PHACTR3: variants seen among roughly 807,000 people sequenced by gnomAD.
PHACTR3 encodes the protein protein phosphatase 1, regulatory subunit 123.
Under a neutral mutation model 66.8 loss-of-function variants are expected in PHACTR3, and 16 were observed. The ratio of observed to expected loss-of-function variants is 0.24; its 90% confidence interval spans 0.16 to 0.36. PHACTR3 has a LOEUF of 0.36. Ranked by LOEUF, PHACTR3 falls within the 10% of genes least tolerant of loss-of-function variation. The pLI, the probability that PHACTR3 is intolerant of heterozygous loss-of-function variation, is 1.00. For synonymous variants in PHACTR3, 323 were observed against 292.1 expected (o/e 1.11, Z -1.08); for missense variants, 647 against 719.9 (o/e 0.90, Z 1.16).
At chr20:59,653,186 A>ATT (rs757041161) in intron 1 of PHACTR3, among the ~76,000 whole-genome samples, 203 of 143,998 alleles carry the variant, frequency 1.4e-3, no homozygotes, top group African/African-American at 4.6e-3. Flanking sequence ...CGAGAAAGTA[A>ATT]TTTTTTTTTT....
chr20:59,671,034 C>T (rs2036178641), intron 1 of PHACTR3, among the ~76,000 whole-genome samples: 1 of 152,232 alleles, frequency 6.6e-6, no homozygotes, highest in Admixed American at 6.5e-5. Context: ...ACCCCCTCCA[C>T]AGCTCCTCCC....
Position 59,845,027 on chromosome 20 carries a change from G to A in PHACTR3, c.1588-162G>A, listed in dbSNP as rs537039768. The A allele has an allele frequency of 2.8e-4, 147 of 526,808 alleles. 1 individual carries two copies. The South Asian group carries it at 3.5e-3, about 13-fold the overall frequency. The allele number at this position is 526,808 out of a possible 1,614,324, so 32.6% of individuals were successfully genotyped here. A position where few individuals can be genotyped will look rare whatever the true frequency, so the allele number is the denominator to read the frequency against. On this transcript the variant is annotated intron_variant, in intron 11 of 12. Coordinates refer to ENST00000371015, the MANE Select transcript of PHACTR3 (RefSeq NM_080672.5). The stretch of plus-strand genomic sequence containing the variant: ...ACTAGCTTGGTAGGACTATAATAAT[G>A]AGTATGGCAGTTTTAATGATGAACC...
chr20:59,671,797 GCTCCAGGCAGGACCTGCCTT>G (rs1479326708), intron 1 of PHACTR3, among the ~76,000 whole-genome samples: 1 of 152,238 alleles, frequency 6.6e-6, no homozygotes, highest in Admixed American at 6.5e-5. Context: ...GCTGCTGCCT[GCTCCAGGCAGGACCTGCCTT>G]CTCCAGTTAG....
intron 1 of PHACTR3, among the ~76,000 whole-genome samples, chr20:59,696,214 G>T (rs1355402177): frequency 6.6e-6 from 1 of 152,164 alleles, no homozygotes; most frequent in Non-Finnish European, 1.5e-5. Context: ...TTAAACGGAG[G>T]TCAAAGCAGA....
In PHACTR3 at chr20:59,773,382, C is replaced by T; in HGVS notation, c.855C>T (p.His285=). The T allele has an allele frequency of 1.2e-6, 2 of 1,614,184 alleles. No individual in the cohort carries two copies. The highest frequency in any genetic ancestry group is 3.3e-4 in the Middle Eastern group (2 of 6,062). Residue 285 remains histidine, a synonymous_variant, in exon 6 of 13, where the codon CAC becomes CAT. Transcript: ENST00000371015. ...PTGSPHLTTV[H]RPLPPSRVIE... is the part of the protein sequence containing the mutation. ...GGTCTCCGCATCTCACCACGGTCCA[C>T]CGGCCTCTTCCCCCAAGCCGCGTCA...
At chr20:59,767,157 T>A in intron 4 of PHACTR3, 29 bp from the exon 5 acceptor site, 1 of 1,612,904 alleles carries the variant, frequency 6.2e-7, no homozygotes. Context: ...GAAACATGTT[T>A]TTAACTCTCT....
chr20:59,729,188 G>A (rs578158880), intron 1 of PHACTR3, among the ~76,000 whole-genome samples: 9 of 152,230 alleles, frequency 5.9e-5, no homozygotes, highest in Admixed American at 2.6e-4. Flanking sequence ...CATGTGACCC[G>A]AAGGGAGGGC....
chr20:59,741,823 T>C (rs939638853), intron 1 of PHACTR3, among the ~76,000 whole-genome samples: 9 of 151,542 alleles, frequency 5.9e-5, no homozygotes, highest in Non-Finnish European at 8.8e-5. Context: ...AGTACAATGG[T>C]GTGATCTTGG....
intron 1 of PHACTR3, among the ~76,000 whole-genome samples, chr20:59,625,714 G>A (rs904935212): frequency 6.6e-6 from 1 of 152,174 alleles, no homozygotes; most frequent in South Asian, 2.1e-4. Context: ...TCCTCCCTGC[G>A]GAGGCATGCA....
intron 11 of PHACTR3, among the ~76,000 whole-genome samples, chr20:59,842,850 AT>A (rs2059089251): frequency 6.6e-6 from 1 of 152,134 alleles, no homozygotes; most frequent in Non-Finnish European, 1.5e-5. Context: ...AAATTAATGA[AT>A]GGAACACTTA....
chr20:59,666,581 G>GGA (rs768733251), intron 1 of PHACTR3, among the ~76,000 whole-genome samples: 1 of 151,528 alleles, frequency 6.6e-6, no homozygotes, highest in Non-Finnish European at 1.5e-5. Flanking sequence ...AGAGAGACAG[G>GGA]GAGAGAGAGA....
At chr20:59,646,240 T>G (rs1228880468) in intron 1 of PHACTR3, among the ~76,000 whole-genome samples, 1 of 152,220 alleles carries the variant, frequency 6.6e-6, no homozygotes, top group Non-Finnish European at 1.5e-5. Context: ...CTGCCAGAGC[T>G]GGGCTCACTC....
chr20:59,701,963 G>A (rs1030167737), intron 1 of PHACTR3, among the ~76,000 whole-genome samples: 1 of 152,196 alleles, frequency 6.6e-6, no homozygotes, highest in Non-Finnish European at 1.5e-5. Context: ...CATGCAGTAT[G>A]TGGACTTCTC....
chr20:59,710,697 C>T (rs2146644106), intron 1 of PHACTR3, among the ~76,000 whole-genome samples: 1 of 152,190 alleles, frequency 6.6e-6, no homozygotes, highest in African/African-American at 2.4e-5. Context: ...CCTCATTAAC[C>T]TTTACCTTGG....
intron 1 of PHACTR3, among the ~76,000 whole-genome samples, chr20:59,623,773 C>T (rs771092672): frequency 1.6e-4 from 25 of 152,156 alleles, no homozygotes; most frequent in Non-Finnish European, 2.5e-4. Context: ...ATGGGCTGAA[C>T]GGCTGGTGCG....
At chr20:59,768,996 G>A (rs963952017) in intron 5 of PHACTR3, among the ~76,000 whole-genome samples, 2 of 152,352 alleles carry the variant, frequency 1.3e-5, no homozygotes, top group Admixed American at 6.5e-5. Flanking sequence ...TGCTGGGTGG[G>A]TGGAGGGATG....
rs1601231431 is a variant in PHACTR3, at chr20:59,738,984, G to A, written c.119-4123G>A. Among the ~76,000 whole-genome samples the A allele has an allele frequency of 6.6e-6, 1 of 152,106 alleles. No individual in the cohort carries two copies. The highest frequency in any genetic ancestry group is 2.4e-5 in the African/African-American group (1 of 41,432). ...GTCTTGCTCCCATCTGGTGTCTGTA[G>A]GTGGAGGAAGGAAAGGAGAGGATGA... is the stretch of plus-strand genomic sequence containing the variant. On this transcript the variant is annotated intron_variant, in intron 1 of 12. Transcript: ENST00000371015. This position sits in a 1 kb window ranked among gnomAD's most constrained non-coding sequence, Gnocchi z 4.4.
chr20:59,847,680 T>TAATTA lies in PHACTR3; in HGVS notation c.*554_*558dup, dbSNP rs2059177013. The TAATTA allele has an allele frequency of 6.5e-6, 1 of 152,700 alleles. No homozygotes were observed. 9.5% of individuals were successfully genotyped at this position (152,700 alleles called of 1,614,324 possible). A position where few individuals can be genotyped will look rare whatever the true frequency, so the allele number is the denominator to read the frequency against. ...TTTGATTCCTGTTAATTTTGTTCTT[T>TAATTA]AATTAAATGACTACTTATTGCAGGA... On this transcript the variant is annotated 3_prime_UTR_variant, in exon 13 of 13. Coordinates refer to ENST00000371015, the MANE Select transcript of PHACTR3 (RefSeq NM_080672.5).
chr20:59,767,110 C>A, intron 4 of PHACTR3, 76 bp from the exon 5 acceptor site: 1 of 1,483,204 alleles, frequency 6.7e-7, no homozygotes, highest in South Asian at 1.2e-5. Context: ...CCACCAAACC[C>A]TCTTGCTTTG....
Sources: allele counts gnomAD v4.1 joint callset (sites outside exome capture counted in the v4.1 genomes callset), GRCh38; gene constraint gnomAD v4.1.1; non-coding constraint Gnocchi (gnomAD v3.1); transcripts MANE v1.5; gene names NCBI Gene and HGNC (gene_info 2026-07-23, HGNC 2026-07-21).